ANKRD11: variants seen among roughly 807,000 people sequenced by gnomAD.
The protein encoded by ANKRD11 is ankyrin repeat domain-containing protein 11.
A neutral mutation model predicts 195.7 loss-of-function variants in ANKRD11; 17 were observed. The observed-to-expected ratio is 0.09, with a 90% confidence interval of 0.06 to 0.13. The LOEUF is 0.13. Ranked by LOEUF, ANKRD11 falls within the 10% of genes least tolerant of loss-of-function variation. ANKRD11 has a pLI of 1.00. For synonymous variants in ANKRD11, 1,953 were observed against 1,528.1 expected, an observed-to-expected ratio of 1.28 and a Z score of -6.49; for missense variants, 3,735 against 3,566.1, an observed-to-expected ratio of 1.05 and a Z score of -1.21.
At chr16:89,486,047 T>C (rs147383586) in intron 1 of ANKRD11, among the ~76,000 whole-genome samples, 100 of 152,308 alleles carry the variant, frequency 6.6e-4, no homozygotes, top group African/African-American at 2.3e-3. Context: ...AGAAAGCACT[T>C]TCTTCCCACA....
At chr16:89,392,255 A>T (rs1303664135) in intron 2 of ANKRD11, 1 of 152,280 alleles carries the variant, frequency 6.6e-6, no homozygotes, top group Non-Finnish European at 1.5e-5. Flanking sequence ...AGGTATAAAA[A>T]ATGGCCTTGC....
In ANKRD11 at chr16:89,280,077, G is replaced by A. The variant is rs1191102498; in HGVS notation, c.6465C>T (p.Pro2155=). ...TKDAADGEAE[P]VEESLAPPEE... is the part of the protein sequence containing the mutation. ...CTGGAGGAGCAAGACTTTCTTCCAC[G>A]GGTTCCGCTTCACCATCTGCGGCAT... Residue 2155 remains proline, a synonymous_variant, in exon 9 of 13, where the codon CCC becomes CCT. Transcript: ENST00000301030. 1.1e-5 allele frequency: 17 copies of A among 1,612,966 alleles called. No individual in the cohort carries two copies. The highest frequency in any genetic ancestry group is 1.3e-5 in the African/African-American group (1 of 74,916).
chr16:89,466,527 C>T (rs1356159014), intron 1 of ANKRD11, among the ~76,000 whole-genome samples: 1 of 152,108 alleles, frequency 6.6e-6, no homozygotes, highest in African/African-American at 2.4e-5. Flanking sequence ...AGAAAGTCAT[C>T]ACCCAACGGG....
rs535463512 is a variant in ANKRD11 at position 89,303,675 on chromosome 16, G to C, written c.226+1531C>G. Among the ~76,000 whole-genome samples, 21 of 152,300 alleles carry C rather than the reference G, an allele frequency of 1.4e-4. 1 individual carries two copies. In the South Asian group the frequency reaches 4.1e-3, roughly 30 times the overall value. On this transcript the variant is annotated intron_variant, in intron 4 of 12. Coordinates refer to ENST00000301030, the MANE Select transcript of ANKRD11 (RefSeq NM_013275.6). ...GCCCTCTCTGCTGGCCTTTCACTCA[G>C]CAGAGTCTCCACCTGGCTACTGTGA...
intron 12 of ANKRD11, chr16:89,270,513 G>C (rs3114855): frequency 4.5e-6 from 2 of 444,832 alleles, no homozygotes; most frequent in South Asian, 2.1e-5. Context: ...TGGGACCTTA[G>C]AGGGGGCTCA....
intron 1 of ANKRD11, among the ~76,000 whole-genome samples, chr16:89,486,884 C>G (rs1175191816): frequency 6.6e-6 from 1 of 151,892 alleles, no homozygotes; most frequent in Non-Finnish European, 1.5e-5. Context: ...TAGGAGGTGT[C>G]TGTAATCCCA....
intron 1 of ANKRD11, among the ~76,000 whole-genome samples, chr16:89,432,944 A>ACCTC (rs2043048011): frequency 9.2e-6 from 1 of 108,650 alleles, no homozygotes; most frequent in African/African-American, 3.9e-5. Context: ...CAGAGACCCT[A>ACCTC]TCTCTCTCTC....
At chr16:89,337,394 C>T (rs1452742680) in intron 2 of ANKRD11, among the ~76,000 whole-genome samples, 1 of 144,674 alleles carries the variant, frequency 6.9e-6, no homozygotes, top group African/African-American at 2.5e-5. Context: ...ACTGTTAACC[C>T]TACTGCACAA....
intron 2 of ANKRD11, among the ~76,000 whole-genome samples, chr16:89,338,395 G>A (rs1431109331): frequency 2.7e-5 from 4 of 148,346 alleles, no homozygotes; most frequent in Non-Finnish European, 4.4e-5. Flanking sequence ...GGGCCTGAGT[G>A]GAAATCCTGT....
chr16:89,426,019 T>G (rs2042701946), intron 1 of ANKRD11, among the ~76,000 whole-genome samples: 1 of 152,122 alleles, frequency 6.6e-6, no homozygotes, highest in African/African-American at 2.4e-5. Context: ...TCCCTTTCCA[T>G]AATGCCTGCC....
rs779429678 is a variant in ANKRD11, at chr16:89,281,895, G to A, written c.4647C>T (p.Ser1549=). ...EKEKGDPVKM[S]NGNDKVAPSK... The stretch of plus-strand genomic sequence containing the variant: ...ATGGCGCTACCTTATCATTCCCGTT[G>A]CTCATCTTCACTGGGTCGCCCTTTT... Residue 1549 remains serine, a synonymous_variant, in exon 9 of 13, where the codon AGC becomes AGT. Coordinates refer to ENST00000301030, the MANE Select transcript of ANKRD11 (RefSeq NM_013275.6). The surrounding 1 kb of genome is among the most constrained non-coding windows in gnomAD (Gnocchi z 5.5). The A allele has an allele frequency of 2.5e-6, 4 of 1,613,720 alleles. No individual in the cohort carries two copies. The highest frequency in any genetic ancestry group is 2.5e-6 in the Non-Finnish European group (3 of 1,180,024).
Position 89,283,738 on chromosome 16 carries a change from G to A in ANKRD11, c.2804C>T (p.Ser935Leu), listed in dbSNP as rs575811373. 36 of 1,613,342 alleles carry A rather than the reference G, an allele frequency of 2.2e-5. No individual in the cohort carries two copies. The highest frequency in any genetic ancestry group is 5.5e-5 in the South Asian group (5 of 91,072). Reference protein sequence around the residue: ...EKHKSVPGYLSEKDKKRRESA... With the variant: ...EKHKSVPGYLLEKDKKRRESA... ...CTCTCTCCTCTTCTTGTCCTTTTCCGAAAGGTAGCCAGGGACACTTTTATG... is the reference window on the plus strand; with the variant it reads ...CTCTCTCCTCTTCTTGTCCTTTTCCAAAAGGTAGCCAGGGACACTTTTATG... Residue 935 changes from serine (S) to leucine (L), a missense_variant, in exon 9 of 13, where the codon TCG becomes TTG. By Grantham distance (145) the Ser-to-Leu change is moderately radical. Coordinates refer to ENST00000301030, the MANE Select transcript of ANKRD11 (RefSeq NM_013275.6). The surrounding 1 kb of genome is among the most constrained non-coding windows in gnomAD (Gnocchi z 4.3).
chr16:89,309,957 A>T (rs1351822685), intron 3 of ANKRD11, among the ~76,000 whole-genome samples: 3 of 152,240 alleles, frequency 2.0e-5, no homozygotes, highest in Non-Finnish European at 4.4e-5. Flanking sequence ...GACACGAGGT[A>T]GGCTCTGCAC....
intron 2 of ANKRD11, among the ~76,000 whole-genome samples, chr16:89,337,594 G>A (rs1275308730): frequency 1.3e-5 from 2 of 151,662 alleles, no homozygotes; most frequent in Non-Finnish European, 1.5e-5. Context: ...CTGCCACCAT[G>A]CCCAGATAAT....
At chr16:89,273,688 T>A (rs1263890956) in intron 11 of ANKRD11, among the ~76,000 whole-genome samples, 1 of 149,736 alleles carries the variant, frequency 6.7e-6, no homozygotes, top group Non-Finnish European at 1.5e-5. Flanking sequence ...AGAGCGAGAC[T>A]CCGTCACAAA....
intron 2 of ANKRD11, chr16:89,328,802 G>C (rs1597664073): frequency 7.2e-6 from 1 of 139,524 alleles, no homozygotes; most frequent in Non-Finnish European, 1.5e-5. Flanking sequence ...GCGCACGGGC[G>C]AATCAGCGGA....
At chr16:89,314,211 A>G (rs554734517) in intron 3 of ANKRD11, among the ~76,000 whole-genome samples, 2 of 152,042 alleles carry the variant, frequency 1.3e-5, no homozygotes, top group Non-Finnish European at 2.9e-5. Flanking sequence ...CTGAGACTCT[A>G]CCACTGCACT....
At position 89,284,359 on chromosome 16, in the gene ANKRD11, A is replaced by G; in HGVS notation, c.2183T>C (p.Ile728Thr). The G allele has an allele frequency of 6.2e-7, 1 of 1,613,538 alleles. No homozygotes were observed. The highest frequency in any genetic ancestry group is 1.1e-5 in the South Asian group (1 of 91,052). Residue 728 changes from isoleucine to threonine, a missense_variant, in exon 9 of 13, where the codon ATC becomes ACC. Physicochemically the swap from Ile to Thr is moderately conservative, Grantham distance 89. Coordinates refer to ENST00000301030, the MANE Select transcript of ANKRD11 (RefSeq NM_013275.6). ...TTTCTCTTCTCGGAAAGACCTGCTG[A>G]TGTCTTTGTTTGTGTCTTTGATTCT... ...LKRIKDTNKDISRSFREEKDR... is the reference protein window; with the variant it reads ...LKRIKDTNKDTSRSFREEKDR...
intron 1 of ANKRD11, among the ~76,000 whole-genome samples, chr16:89,421,539 G>A (rs548264857): frequency 9.1e-6 from 1 of 109,628 alleles, no homozygotes; most frequent in East Asian, 2.7e-4. Flanking sequence ...TCAGGGATGG[G>A]ACCATCACCC....
Sources: gnomAD v4.1 joint callset for allele counts (sites outside exome capture counted in the v4.1 genomes callset) on GRCh38, gnomAD v4.1.1 for gene constraint, Gnocchi (gnomAD v3.1) non-coding constraint, MANE v1.5 for transcripts, NCBI Gene and HGNC (gene_info 2026-07-23, HGNC 2026-07-21) for gene names.